Variants in CUX2 observed in about 807,000 individuals in gnomAD.
CUX2 encodes cut like homeobox 2, also known as homeobox protein cut-like 2.
A neutral mutation model predicts 144.8 loss-of-function variants in CUX2; 40 were observed. The observed-to-expected ratio is 0.28, with a 90% CI of 0.21 to 0.36. The LOEUF is 0.36. CUX2 is among the 10% of genes least tolerant of loss of function. The pLI is 1.00. For synonymous variants in CUX2, 827 were observed against 875.6 expected (o/e 0.94, Z 0.98); for missense variants, 1,615 against 1,994.0 (o/e 0.81, Z 3.62).
chr12:111,088,817 C>G (rs569539111), intron 1 of CUX2, among the ~76,000 whole-genome samples: 1 of 152,290 alleles, frequency 6.6e-6, no homozygotes, highest in Admixed American at 6.5e-5. Context: ...GCTCACCTGT[C>G]GTGCATGGAC....
Position 111,034,999 on chromosome 12 carries a change from T to G in CUX2, c.63+759T>G, listed in dbSNP as rs1295934076. On this transcript the variant is annotated intron_variant, in intron 1 of 21. Coordinates refer to ENST00000261726, the MANE Select transcript of CUX2 (RefSeq NM_015267.4). This position sits in a 1 kb window ranked among gnomAD's most constrained non-coding sequence, Gnocchi z 4.2. The stretch of plus-strand genomic sequence containing the variant: ...CCGCCCCTTCCATCCCCTTCCCAAG[T>G]CTAGATGCAGACGGGCGGTGGAGGT... Among the ~76,000 whole-genome samples the G allele has an allele frequency of 1.3e-5, 2 of 151,954 alleles. No individual in the cohort carries two copies. The highest frequency in any genetic ancestry group is 4.8e-5 in the African/African-American group (2 of 41,382).
chr12:111,241,024 G>T (rs1882993293), intron 3 of CUX2, among the ~76,000 whole-genome samples: 1 of 152,082 alleles, frequency 6.6e-6, no homozygotes, highest in Non-Finnish European at 1.5e-5. Context: ...AATACCTGAG[G>T]CTGGGTAATG....
chr12:111,340,372 A>G (rs1485016526), intron 20 of CUX2, among the ~76,000 whole-genome samples: 1 of 152,120 alleles, frequency 6.6e-6, no homozygotes, highest in Non-Finnish European at 1.5e-5. Context: ...CCTATTGCCC[A>G]CTGAAGGCTG....
intron 1 of CUX2, among the ~76,000 whole-genome samples, chr12:111,100,854 T>G (rs556096900): frequency 2.0e-5 from 3 of 151,524 alleles, no homozygotes; most frequent in African/African-American, 7.3e-5. Flanking sequence ...ACTTCCATCT[T>G]GCATGGGGGA....
chr12:111,213,002 G>C (rs1268817544), intron 1 of CUX2, among the ~76,000 whole-genome samples: 1 of 152,200 alleles, frequency 6.6e-6, no homozygotes, highest in Non-Finnish European at 1.5e-5. Context: ...ATGACAAATG[G>C]GGTCTTTCAA....
chr12:111,105,495 G>T (rs994217460), intron 1 of CUX2, among the ~76,000 whole-genome samples: 1 of 152,254 alleles, frequency 6.6e-6, no homozygotes, highest in Non-Finnish European at 1.5e-5. Flanking sequence ...CTGTGTGTGT[G>T]TGTGTGTGTG....
chr12:111,276,053 T>C (rs558461569), intron 4 of CUX2, among the ~76,000 whole-genome samples: 19 of 152,284 alleles, frequency 1.2e-4, no homozygotes, highest in African/African-American at 4.6e-4. Context: ...AATATATATA[T>C]TTTTAAAAAG....
intron 3 of CUX2, among the ~76,000 whole-genome samples, chr12:111,231,436 A>C (rs1204053750): frequency 6.6e-6 from 1 of 152,238 alleles, no homozygotes; most frequent in African/African-American, 2.4e-5. Context: ...TGTGTTTAAC[A>C]ACCAGATTGC....
Position 111,282,337 on chromosome 12 carries a change from A to T in CUX2, c.302-9081A>T, listed in dbSNP as rs1452566218. ...ACCCCATCTCAAAAAAAAAAAAAAA[A>T]TACCACAGGCCGTGCGCCTTGGCTC... is the stretch of plus-strand genomic sequence containing the variant. On this transcript the variant is annotated intron_variant, in intron 4 of 21. Coordinates refer to ENST00000261726, the MANE Select transcript of CUX2 (RefSeq NM_015267.4). Among the ~76,000 whole-genome samples the T allele has an allele frequency of 4.2e-5, 6 of 143,870 alleles. No homozygotes were observed. The East Asian group carries it at 1.2e-3, about 28-fold the overall frequency. 94.4% of individuals were successfully genotyped at this position (143,870 alleles called of 152,430 possible). A position where few individuals can be genotyped will look rare whatever the true frequency, so the allele number is the denominator to read the frequency against.
At chr12:111,291,308 AGCGGGGTGAC>A in intron 4 of CUX2, 100 bp from the exon 5 acceptor site, 1 of 1,344,054 alleles carries the variant, frequency 7.4e-7, no homozygotes, top group South Asian at 1.6e-5. Context: ...CCTGTAAGCC[AGCGGGGTGAC>A]TCCGATGGCT....
chr12:111,330,716 T>TACACATATACATATATATATATATAC (rs1467075463), intron 18 of CUX2, among the ~76,000 whole-genome samples: 1 of 36,948 alleles, frequency 2.7e-5, no homozygotes, highest in African/African-American at 1.4e-4. Context: ...TATATATATA[T>TACACATATACATATATATATATATAC]ATATATATAT....
Position 111,322,607 on chromosome 12 carries a change from G to A in CUX2, c.2926+27G>A, listed in dbSNP as rs781638355. On this transcript the variant is annotated intron_variant, in intron 18 of 21. Coordinates refer to ENST00000261726, the MANE Select transcript of CUX2 (RefSeq NM_015267.4). The surrounding 1 kb of genome is among the most constrained non-coding windows in gnomAD (Gnocchi z 4.2). ...TGAGTGCGGGCAGGAGCATCTCAGG[G>A]GGTGCTGGCAAACTTCCCACCTGCG... The A allele has an allele frequency of 3.8e-6, 6 of 1,598,990 alleles. No individual in the cohort carries two copies. The highest frequency in any genetic ancestry group is 5.1e-6 in the Non-Finnish European group (6 of 1,178,584).
At chr12:111,341,009 G>A (rs970314438) in intron 20 of CUX2, among the ~76,000 whole-genome samples, 4 of 152,170 alleles carry the variant, frequency 2.6e-5, no homozygotes, top group Admixed American at 6.6e-5. Context: ...GTGTACTCTC[G>A]TGGCAAAACT....
At chr12:111,202,891 G>A (rs573800066) in intron 1 of CUX2, among the ~76,000 whole-genome samples, 1 of 152,206 alleles carries the variant, frequency 6.6e-6, no homozygotes, top group East Asian at 1.9e-4. Context: ...GAAAGAGGGA[G>A]CAGCCAGTGC....
At chr12:111,249,445 GT>G (rs58383341) in intron 3 of CUX2, among the ~76,000 whole-genome samples, 70 of 63,394 alleles carry the variant, frequency 1.1e-3, no homozygotes, top group Middle Eastern at 8.8e-3. Context: ...CCCTTTTTTT[GT>G]TTTTTTTTTT....
At chr12:111,041,323 G>A (rs1445807531) in intron 1 of CUX2, among the ~76,000 whole-genome samples, 1 of 152,216 alleles carries the variant, frequency 6.6e-6, no homozygotes, top group African/African-American at 2.4e-5. Flanking sequence ...GGTATTTTTA[G>A]AGTATGAGAG....
intron 1 of CUX2, among the ~76,000 whole-genome samples, chr12:111,047,574 C>G (rs1390831596): frequency 6.6e-6 from 1 of 152,146 alleles, no homozygotes; most frequent in East Asian, 1.9e-4. Context: ...GGGGCAGGCT[C>G]TGGTGTCACC....
At chr12:111,337,687 A>G (rs1170774491) in intron 19 of CUX2, among the ~76,000 whole-genome samples, 1 of 152,196 alleles carries the variant, frequency 6.6e-6, no homozygotes. Flanking sequence ...TGTGTGTATG[A>G]TGTTGGCAGA....
chr12:111,328,186 T>C (rs1212109419), intron 18 of CUX2, among the ~76,000 whole-genome samples: 3 of 152,124 alleles, frequency 2.0e-5, no homozygotes, highest in Non-Finnish European at 2.9e-5. Context: ...CCACTGGGCC[T>C]GGAAGCAAAA....
Sources: gnomAD v4.1 joint callset for allele counts (sites outside exome capture counted in the v4.1 genomes callset) on GRCh38, gnomAD v4.1.1 for gene constraint, Gnocchi (gnomAD v3.1) non-coding constraint, MANE v1.5 for transcripts, NCBI Gene and HGNC (gene_info 2026-07-23, HGNC 2026-07-21) for gene names.